Variants in MICU1 observed in about 807,000 individuals in gnomAD.
MICU1 encodes calcium uptake protein 1, mitochondrial.
In MICU1, 45 loss-of-function variants were observed where a neutral mutation model predicts 56.8. That is an observed-to-expected ratio of 0.79 (90% CI 0.62 to 1.02). MICU1 has a LOEUF of 1.02. Among genes scored for constraint, MICU1 ranks in the 50% least tolerant of loss-of-function variants. The pLI is 0.00. For synonymous variants in MICU1, 186 were observed against 195.1 expected (o/e 0.95, Z 0.39); for missense variants, 504 against 587.1 (o/e 0.86, Z 1.46).
At chr10:72,549,181 G>GT (rs905630239) in intron 4 of MICU1, among the ~76,000 whole-genome samples, 3 of 143,098 alleles carry the variant, frequency 2.1e-5, no homozygotes, top group South Asian at 2.2e-4. Context: ...TCATGTGTCT[G>GT]TTTTTTTTGG....
intron 8 of MICU1, among the ~76,000 whole-genome samples, chr10:72,461,869 G>C (rs776467844): frequency 6.6e-6 from 1 of 152,202 alleles, no homozygotes; most frequent in Admixed American, 6.5e-5. Flanking sequence ...AGAAGTGCTT[G>C]AATCAGGGAG....
chr10:72,374,675 T>C (rs959364655), intron 11 of MICU1, among the ~76,000 whole-genome samples: 6 of 152,092 alleles, frequency 3.9e-5, no homozygotes, highest in African/African-American at 1.4e-4. Context: ...TTGAATTCCA[T>C]TAGCCCAGCT....
chr10:72,527,721 T>C (rs1868005635), intron 5 of MICU1, among the ~76,000 whole-genome samples: 1 of 152,136 alleles, frequency 6.6e-6, no homozygotes, highest in South Asian at 2.1e-4. Flanking sequence ...ACTAAATGAG[T>C]AATTATGTAT....
chr10:72,382,691 C>T (rs781357360), intron 10 of MICU1, among the ~76,000 whole-genome samples: 18 of 151,980 alleles, frequency 1.2e-4, no homozygotes, highest in Non-Finnish European at 2.5e-4. Context: ...GGCAGATCAC[C>T]CGAGCTTAGG....
chr10:72,402,713 G>A (rs1237609383), intron 10 of MICU1, among the ~76,000 whole-genome samples: 1 of 152,064 alleles, frequency 6.6e-6, no homozygotes, highest in Non-Finnish European at 1.5e-5. Context: ...AAAAGTAAAA[G>A]AATTCACTGC....
intron 2 of MICU1, among the ~76,000 whole-genome samples, chr10:72,564,559 A>AAAAAG (rs1564936943): frequency 1.3e-4 from 20 of 150,354 alleles, no homozygotes; most frequent in African/African-American, 4.4e-4. Context: ...AAAAAAAAAA[A>AAAAAG]AAAAGAAAAG....
Position 72,458,900 on chromosome 10 carries a change from A to AT in MICU1, c.933+16199dup, listed in dbSNP as rs11334513. 4.1e-5 allele frequency among the ~76,000 whole-genome samples: 5 copies of AT among 122,362 alleles called. No individual in the cohort carries two copies. The South Asian group carries it at 1.1e-3, about 26-fold the overall frequency. The allele number at this position is 122,362 out of a possible 152,430, so 80.3% of individuals were successfully genotyped here. On this transcript the variant is annotated intron_variant, in intron 8 of 11. Transcript: ENST00000361114. ...TACCATTTTTTTTTTTTTTTTTTGT[A>AT]TTTTTTTTTGTAGAGACATTATCTT...
intron 9 of MICU1, among the ~76,000 whole-genome samples, chr10:72,417,223 C>T (rs1373617078): frequency 3.3e-5 from 5 of 152,064 alleles, no homozygotes; most frequent in Non-Finnish European, 5.9e-5. Flanking sequence ...GAGGCCAAGG[C>T]GGGTGGATCA....
At chr10:72,507,601 T>C (rs16929954) in intron 6 of MICU1, among the ~76,000 whole-genome samples, 5,854 of 152,254 alleles carry the variant, frequency 0.038, 364 homozygotes, top group African/African-American at 0.13. Context: ...CTTGACAGAA[T>C]ACAGAGTGAC....
chr10:72,472,186 G>T (rs967076104), intron 8 of MICU1, among the ~76,000 whole-genome samples: 4 of 152,080 alleles, frequency 2.6e-5, no homozygotes, highest in Non-Finnish European at 5.9e-5. Context: ...CTGTGGCAAG[G>T]TAACTGGCAA....
intron 1 of MICU1, among the ~76,000 whole-genome samples, chr10:72,577,440 C>T (rs1181669483): frequency 1.3e-5 from 2 of 149,788 alleles, no homozygotes. Context: ...ACCCGGGAGG[C>T]GGAGGTTGTG....
intron 6 of MICU1, among the ~76,000 whole-genome samples, chr10:72,478,754 G>A (rs373113723): frequency 1.3e-5 from 2 of 152,170 alleles, no homozygotes; most frequent in South Asian, 2.1e-4. Context: ...TCATGTGTGT[G>A]TCAGCTTCCA....
rs1004253242 is a variant in MICU1 at position 72,368,062 on chromosome 10, G to C, written c.*133C>G. The C allele has an allele frequency of 2.1e-6, 2 of 956,250 alleles. No individual in the cohort carries two copies. Among genetic ancestry groups the C allele is most frequent in the Non-Finnish European group, 3.0e-6 (2 of 656,582 alleles). 59.2% of individuals were successfully genotyped at this position (956,250 alleles called of 1,614,324 possible). ...CGGGGAAGGGTAAAGAGGGGAAACC[G>C]ACAGAGTCCTGAGGTCATCCCGGGA... On this transcript the variant is annotated 3_prime_UTR_variant, in exon 12 of 12. Coordinates refer to ENST00000361114, the MANE Select transcript of MICU1 (RefSeq NM_001195518.2).
intron 8 of MICU1, 32 bp from the exon 9 acceptor site, chr10:72,423,403 G>T (rs764029166): frequency 1.2e-6 from 2 of 1,605,170 alleles, no homozygotes; most frequent in Non-Finnish European, 8.5e-7. Context: ...TGTTCCTAGG[G>T]TCAATGGAAA....
intron 1 of MICU1, among the ~76,000 whole-genome samples, chr10:72,573,328 A>C (rs7078281): frequency 0.44 from 50,165 of 114,176 alleles, 11,220 homozygotes; most frequent in Non-Finnish European, 0.54. Flanking sequence ...AAAAAAAAAA[A>C]AAAAAAACTA....
intron 4 of MICU1, among the ~76,000 whole-genome samples, chr10:72,542,701 T>A (rs1451814132): frequency 6.6e-6 from 1 of 152,198 alleles, no homozygotes; most frequent in Non-Finnish European, 1.5e-5. Flanking sequence ...CTCTGCCTCA[T>A]TATGTGGGAC....
At chr10:72,498,456 C>T (rs140950814) in intron 6 of MICU1, among the ~76,000 whole-genome samples, 6,211 of 152,076 alleles carry the variant, frequency 0.041, 371 homozygotes, top group East Asian at 0.2. Context: ...TGTGGTGATG[C>T]GTGCCTGTAG....
At chr10:72,612,112 C>T (rs367576516) in intron 1 of MICU1, among the ~76,000 whole-genome samples, 2 of 151,226 alleles carry the variant, frequency 1.3e-5, no homozygotes, top group South Asian at 2.1e-4. Context: ...TATCAAACTA[C>T]GCTACGGAAA....
chr10:72,471,780 G>C (rs1865959768), intron 8 of MICU1, among the ~76,000 whole-genome samples: 1 of 152,068 alleles, frequency 6.6e-6, no homozygotes, highest in Non-Finnish European at 1.5e-5. Flanking sequence ...TGCATACTAG[G>C]AAGGCAAGGC....
Sources: gnomAD v4.1 joint callset for allele counts (sites outside exome capture counted in the v4.1 genomes callset) on GRCh38, gnomAD v4.1.1 for gene constraint, MANE v1.5 for transcripts, NCBI Gene and HGNC (gene_info 2026-07-23, HGNC 2026-07-21) for gene names.